The following SNX8 variants were observed in gnomAD, a reference collection of about 807,000 sequenced individuals.
The protein encoded by SNX8 is sorting nexin 8, also known as sorting nexin-8.
SNX8 carries 25 observed loss-of-function variants against 51.6 expected under a neutral mutation model. That is an observed-to-expected ratio of 0.48 (90% CI 0.35 to 0.68). The LOEUF is 0.68. Ranked by LOEUF, SNX8 falls within the 30% of genes least tolerant of loss-of-function variation. The probability of loss-of-function intolerance (pLI) is 0.00; values close to 1 mark genes in which losing one functional copy is unlikely to be tolerated. For missense variants in SNX8, 695 were observed against 624.0 expected (o/e 1.11, Z -1.21); for synonymous variants, 324 against 277.0 (o/e 1.17, Z -1.68).
chr7:2,317,748 G>A (rs1796779825), upstream of SNX8, among the ~76,000 whole-genome samples: 1 of 152,032 alleles, frequency 6.6e-6, no homozygotes, highest in Non-Finnish European at 1.5e-5. Context: ...CACCTAGGAC[G>A]CCATAGGGTC....
At chr7:2,302,202 G>C (rs918791204) in intron 1 of SNX8, among the ~76,000 whole-genome samples, 2 of 151,876 alleles carry the variant, frequency 1.3e-5, no homozygotes, top group East Asian at 3.9e-4. Context: ...CAACCTCCCT[G>C]CCTGATTCTC....
Position 2,252,143 on chromosome 7 carries a change from ACCCCCCTCCCACGG to A in SNX8, c.*2899_*2912del, listed in dbSNP as rs57670526. The A allele has an allele frequency of 0.34, 51,895 of 150,600 alleles. 9,215 individuals are homozygous for A. The highest frequency in any genetic ancestry group is 0.42 in the Middle Eastern group (122 of 290). The allele number at this position is 150,600 out of a possible 1,614,324, so 9.3% of individuals were successfully genotyped here. ...CTTCCCACAGCCCCGCCAGCCCACA[ACCCCCCTCCCACGG>A]CCCCGCCAGCCGTCCTCACAGGGCA... is the stretch of plus-strand genomic sequence containing the variant. On this transcript the variant is annotated 3_prime_UTR_variant, in exon 11 of 11. Coordinates refer to ENST00000222990, the MANE Select transcript of SNX8 (RefSeq NM_013321.4).
chr7:2,351,304 C>G lies in SNX8; in HGVS notation c.-66+2918G>C, dbSNP rs1386199290. ...CAGGCCTGCTGGCTCATGCCTGTAGCACTTTGGGAGGCAGAGTTGGGAGAA... is the reference window on the plus strand; with the variant it reads ...CAGGCCTGCTGGCTCATGCCTGTAGGACTTTGGGAGGCAGAGTTGGGAGAA... On this transcript the variant is annotated intron_variant, in intron 1 of 5. Coordinates refer to the SNX8 transcript ENST00000435336. Among the ~76,000 whole-genome samples, 3 of 152,108 alleles carry G rather than the reference C, an allele frequency of 2.0e-5. No individual in the cohort carries two copies. In the East Asian group the frequency reaches 5.8e-4, roughly 29 times the overall value.
intron 1 of SNX8, among the ~76,000 whole-genome samples, chr7:2,328,327 G>A (rs1778665974): frequency 6.6e-6 from 1 of 152,030 alleles, no homozygotes; most frequent in African/African-American, 2.4e-5. Context: ...AAAGTGCTGG[G>A]ATTACAGGTG....
intron 1 of SNX8, among the ~76,000 whole-genome samples, chr7:2,345,563 A>G: frequency 6.6e-6 from 1 of 151,908 alleles, no homozygotes; most frequent in East Asian, 1.9e-4. Context: ...CTGTAATCCC[A>G]GCTACTTGGG....
chr7:2,260,307 A>G (rs540302996), intron 7 of SNX8, among the ~76,000 whole-genome samples: 7 of 152,280 alleles, frequency 4.6e-5, no homozygotes, highest in African/African-American at 1.4e-4. Flanking sequence ...CATGTTGGCC[A>G]GGCTGGTCTC....
At chr7:2,273,531 A>G (rs1032894336) in intron 3 of SNX8, among the ~76,000 whole-genome samples, 1 of 149,924 alleles carries the variant, frequency 6.7e-6, no homozygotes, top group South Asian at 2.1e-4. Flanking sequence ...GCTTGCAGTG[A>G]GCCGAGACCG....
intron 1 of SNX8, among the ~76,000 whole-genome samples, chr7:2,325,135 T>G (rs1041068659): frequency 6.6e-6 from 1 of 152,186 alleles, no homozygotes; most frequent in African/African-American, 2.4e-5. Context: ...CCTGGCCCAC[T>G]GCTTTTATAA....
intron 1 of SNX8, among the ~76,000 whole-genome samples, chr7:2,341,442 T>C (rs1176418210): frequency 6.6e-6 from 1 of 151,442 alleles, no homozygotes; most frequent in Non-Finnish European, 1.5e-5. Flanking sequence ...GAGGTTACAG[T>C]GAGCTGAGGT....
chr7:2,351,318 G>C (rs1341356972), intron 1 of SNX8, among the ~76,000 whole-genome samples: 2 of 152,156 alleles, frequency 1.3e-5, no homozygotes, highest in Non-Finnish European at 2.9e-5. Context: ...TTGGGAGGCA[G>C]AGTTGGGAGA....
At chr7:2,339,511 AAAG>A (rs1778885816) in intron 1 of SNX8, among the ~76,000 whole-genome samples, 2 of 152,138 alleles carry the variant, frequency 1.3e-5, no homozygotes, top group African/African-American at 4.8e-5. Flanking sequence ...AAAAGACTTA[AAAG>A]AAGATCTAAA....
chr7:2,325,837 A>G (rs1175117742), intron 1 of SNX8, among the ~76,000 whole-genome samples: 2 of 152,106 alleles, frequency 1.3e-5, no homozygotes, highest in Non-Finnish European at 2.9e-5. Context: ...GTCTCAAAAA[A>G]AATTTTTTTA....
At chr7:2,273,267 T>C (rs1036731189) in intron 3 of SNX8, among the ~76,000 whole-genome samples, 1 of 151,608 alleles carries the variant, frequency 6.6e-6, no homozygotes, top group Non-Finnish European at 1.5e-5. Context: ...CTGGCCAGCG[T>C]AGCGAAACCC....
At chr7:2,281,250 T>G (rs947463197) in intron 1 of SNX8, among the ~76,000 whole-genome samples, 1 of 151,818 alleles carries the variant, frequency 6.6e-6, no homozygotes, top group East Asian at 1.9e-4. Flanking sequence ...CATAATAAGA[T>G]GCCATCTCTA....
upstream of SNX8, chr7:2,314,493 C>T (rs1204573166): frequency 1.7e-6 from 2 of 1,165,204 alleles, no homozygotes; most frequent in Non-Finnish European, 2.1e-6. Context: ...CGCGCCCTCG[C>T]CCCGCCCACA....
At chr7:2,284,144 A>T (rs1025065650) in intron 1 of SNX8, among the ~76,000 whole-genome samples, 1 of 151,538 alleles carries the variant, frequency 6.6e-6, no homozygotes, top group African/African-American at 2.4e-5. Flanking sequence ...TGTCCAGGCT[A>T]GTCTCGAACT....
chr7:2,273,997 C>T (rs896929890), intron 3 of SNX8, among the ~76,000 whole-genome samples: 1 of 152,200 alleles, frequency 6.6e-6, no homozygotes, highest in Non-Finnish European at 1.5e-5. Context: ...AGGCCTCTTC[C>T]GATGAGGCTG....
chr7:2,309,522 G>A (rs1400437131), intron 1 of SNX8, among the ~76,000 whole-genome samples: 1 of 151,884 alleles, frequency 6.6e-6, no homozygotes, highest in Admixed American at 6.6e-5. Context: ...ACCTGAGGTT[G>A]GGAGTTCGAG....
chr7:2,309,359 C>G (rs1796614480), intron 1 of SNX8, among the ~76,000 whole-genome samples: 1 of 152,166 alleles, frequency 6.6e-6, no homozygotes, highest in African/African-American at 2.4e-5. Flanking sequence ...AACTTCGTCT[C>G]TACTAAAAAT....
Sources: gnomAD v4.1 joint callset for allele counts (sites outside exome capture counted in the v4.1 genomes callset) on GRCh38, gnomAD v4.1.1 for gene constraint, MANE v1.5 for transcripts, NCBI Gene and HGNC (gene_info 2026-07-23, HGNC 2026-07-21) for gene names.